Variants in C10orf67 observed in about 807,000 individuals in gnomAD.
C10orf67 encodes the protein uncharacterized protein C10orf67, mitochondrial.
C10orf67 carries 60 observed loss-of-function variants against 35.6 expected under a neutral mutation model. That is an observed-to-expected ratio of 1.68 (90% CI 1.37 to 2.09). The LOEUF is 2.09. C10orf67 is among the 30% of genes most tolerant of loss of function. The probability of loss-of-function intolerance (pLI) is 0.00; values close to 1 mark genes in which losing one functional copy is unlikely to be tolerated. For missense variants in C10orf67, 474 were observed against 330.2 expected, an observed-to-expected ratio of 1.44 and a Z score of -3.38; for synonymous variants, 167 against 115.8, an observed-to-expected ratio of 1.44 and a Z score of -2.84.
At position 23,318,728 on chromosome 10, in the gene C10orf67, A is replaced by C. The variant is rs1844830805; in HGVS notation, c.546+2013T>G. Reference sequence around the variant, plus strand: ...CCTGGGATGTTTTCAGCTGCAAGTAACTGAAAAGCCAACTAACAGTGGCTT... The same window carrying C: ...CCTGGGATGTTTTCAGCTGCAAGTACCTGAAAAGCCAACTAACAGTGGCTT... On this transcript the variant is annotated intron_variant, in intron 4 of 15. Transcript: ENST00000636213. 13 of 598,218 alleles carry C rather than the reference A, an allele frequency of 2.2e-5. No individual in the cohort carries two copies. The South Asian group carries it at 2.7e-4, about 12-fold the overall frequency. 37.1% of individuals were successfully genotyped at this position (598,218 alleles called of 1,614,324 possible).
At chr10:23,320,928 T>C in intron 3 of C10orf67, 113 bp from the exon 4 acceptor site, 1 of 702,704 alleles carries the variant, frequency 1.4e-6, no homozygotes, top group Non-Finnish European at 2.3e-6. Context: ...CACAATCTAT[T>C]GAAAACTTCA....
chr10:23,282,895 A>C (rs1009522663), intron 7 of C10orf67, among the ~76,000 whole-genome samples: 7 of 151,680 alleles, frequency 4.6e-5, no homozygotes, highest in African/African-American at 4.8e-5. Flanking sequence ...TAGAGAGAAG[A>C]CGGATGGTTA....
At chr10:23,214,764 G>A (rs528955386) in intron 15 of C10orf67, among the ~76,000 whole-genome samples, 8 of 152,218 alleles carry the variant, frequency 5.3e-5, no homozygotes, top group South Asian at 2.1e-4. Context: ...GCTCACGCCC[G>A]TAATCCCCAG....
At chr10:23,342,466 T>C (rs1214657433) in intron 1 of C10orf67, among the ~76,000 whole-genome samples, 1 of 152,112 alleles carries the variant, frequency 6.6e-6, no homozygotes, top group African/African-American at 2.4e-5. Context: ...TCAGTCGCCC[T>C]AGTACTTTGG....
intron 5 of C10orf67, among the ~76,000 whole-genome samples, chr10:23,294,288 G>C (rs940383301): frequency 3.9e-5 from 6 of 152,106 alleles, no homozygotes; most frequent in Admixed American, 3.3e-4. Context: ...TGGTTGCAGG[G>C]CTCATCAGTG....
chr10:23,222,477 G>A lies in C10orf67; in HGVS notation c.1570+1121C>T, dbSNP rs532628502. Among the ~76,000 whole-genome samples, 10 of 152,168 alleles carry A rather than the reference G, an allele frequency of 6.6e-5. No individual in the cohort carries two copies. In the East Asian group the frequency reaches 1.5e-3, roughly 24 times the overall value. Reference sequence around the variant, plus strand: ...ATTGGGTACACAGGGACATAAAGATGGGAATAACAGACACCGGGGTCTCCA... The same window carrying A: ...ATTGGGTACACAGGGACATAAAGATAGGAATAACAGACACCGGGGTCTCCA... On this transcript the variant is annotated intron_variant, in intron 15 of 15. Transcript: ENST00000636213.
intron 2 of C10orf67, among the ~76,000 whole-genome samples, chr10:23,329,934 G>T (rs527938693): frequency 6.6e-6 from 1 of 152,020 alleles, no homozygotes; most frequent in East Asian, 1.9e-4. Context: ...ATCCAGTTAG[G>T]TTTATTTCAG....
intron 5 of C10orf67, among the ~76,000 whole-genome samples, chr10:23,292,514 A>G (rs1328825441): frequency 6.6e-6 from 1 of 152,126 alleles, no homozygotes; most frequent in Non-Finnish European, 1.5e-5. Context: ...TAAAAATAAA[A>G]TCTTCCCTCA....
At chr10:23,320,863 A>T in intron 3 of C10orf67, 48 bp from the exon 4 acceptor site, 4 of 1,274,266 alleles carry the variant, frequency 3.1e-6, no homozygotes, top group Non-Finnish European at 4.4e-6. Flanking sequence ...ATTTCCAAAT[A>T]TGACCCACAC....
At position 23,254,688 on chromosome 10, in the gene C10orf67, A is replaced by G. The variant is rs564140551; in HGVS notation, c.1201-3997T>C. 2.0e-5 allele frequency among the ~76,000 whole-genome samples: 3 copies of G among 152,338 alleles called. No homozygotes were observed. In the South Asian group the frequency reaches 6.2e-4, roughly 32 times the overall value. The stretch of plus-strand genomic sequence containing the variant: ...TCATATTTTTAAAAATTTAACAAAT[A>G]TACTATTCTAAATTAGAATAGTAGC... On this transcript the variant is annotated intron_variant, in intron 10 of 15. Transcript: ENST00000636213.
chr10:23,279,931 G>A (rs2132232253), intron 8 of C10orf67, among the ~76,000 whole-genome samples: 1 of 152,250 alleles, frequency 6.6e-6, no homozygotes, highest in East Asian at 1.9e-4. Context: ...TCACTGCAGT[G>A]TCAAACTCCT....
chr10:23,241,162 C>T (rs1842167526), intron 12 of C10orf67, among the ~76,000 whole-genome samples: 1 of 152,192 alleles, frequency 6.6e-6, no homozygotes, highest in Non-Finnish European at 1.5e-5. Context: ...CAATTTTCCC[C>T]TTCTACTTTC....
chr10:23,291,820 G>A (rs1843727234), intron 5 of C10orf67, among the ~76,000 whole-genome samples: 1 of 152,132 alleles, frequency 6.6e-6, no homozygotes, highest in Admixed American at 6.5e-5. Flanking sequence ...AGTCCATCAG[G>A]CACACGGATA....
chr10:23,302,588 G>A (rs1844119918), intron 5 of C10orf67, among the ~76,000 whole-genome samples: 1 of 152,134 alleles, frequency 6.6e-6, no homozygotes, highest in East Asian at 1.9e-4. Flanking sequence ...CTTGTTCTTA[G>A]AACTTAAGAA....
At chr10:23,258,728 C>G (rs1211009198) in intron 10 of C10orf67, among the ~76,000 whole-genome samples, 1 of 152,192 alleles carries the variant, frequency 6.6e-6, no homozygotes, top group Non-Finnish European at 1.5e-5. Flanking sequence ...ATCATTCGGA[C>G]ATGGTCTATT....
intron 1 of C10orf67, chr10:23,343,945 C>T (rs1207910888): frequency 2.1e-6 from 1 of 466,942 alleles, no homozygotes; most frequent in Admixed American, 2.4e-5. Flanking sequence ...GGCCTCGAGG[C>T]CCTCCATGAT....
At chr10:23,337,548 A>T (rs1845736151) in intron 1 of C10orf67, among the ~76,000 whole-genome samples, 2 of 152,168 alleles carry the variant, frequency 1.3e-5, no homozygotes, top group South Asian at 4.1e-4. Flanking sequence ...AATAAAAATA[A>T]AAGAGAGGAG....
At chr10:23,230,790 C>A (rs1240149090) in intron 13 of C10orf67, among the ~76,000 whole-genome samples, 2 of 152,100 alleles carry the variant, frequency 1.3e-5, no homozygotes, top group Non-Finnish European at 1.5e-5. Flanking sequence ...AAGCATTATA[C>A]AATAACAGGT....
intron 15 of C10orf67, among the ~76,000 whole-genome samples, chr10:23,208,433 G>C (rs946153901): frequency 2.0e-5 from 3 of 152,156 alleles, no homozygotes; most frequent in Admixed American, 2.0e-4. Context: ...ATTCTGAAGA[G>C]CAAGGTAGCG....
Sources: allele counts gnomAD v4.1 joint callset (sites outside exome capture counted in the v4.1 genomes callset), GRCh38; gene constraint gnomAD v4.1.1; transcripts MANE v1.5; gene names NCBI Gene and HGNC (gene_info 2026-07-23, HGNC 2026-07-21).